The following LNX1 variants were observed in gnomAD, a reference collection of about 807,000 sequenced individuals.
LNX1 encodes ligand of numb-protein X 1, also known as E3 ubiquitin-protein ligase LNX.
A neutral mutation model predicts 68.4 loss-of-function variants in LNX1; 54 were observed. That is an observed-to-expected ratio of 0.79 (90% CI 0.63 to 0.99). The LOEUF is 0.99. LNX1 is among the 50% of genes least tolerant of loss of function. LNX1 has a pLI of 0.00. For missense variants in LNX1, 906 were observed against 926.4 expected, an observed-to-expected ratio of 0.98 and a Z score of 0.29; for synonymous variants, 336 against 350.0, an observed-to-expected ratio of 0.96 and a Z score of 0.45.
At chr4:53,622,001 G>C (rs746091749), upstream of LNX1, among the ~76,000 whole-genome samples, 2 of 152,006 alleles carry the variant, frequency 1.3e-5, no homozygotes, top group Non-Finnish European at 2.9e-5. Context: ...CATATACATT[G>C]GTGCAGAGGC....
At position 53,526,973 on chromosome 4, in the gene LNX1, C is replaced by T. The variant is rs187250222; in HGVS notation, c.381-18746G>A. 1.8e-3 allele frequency among the ~76,000 whole-genome samples: 274 copies of T among 149,350 alleles called. 1 individual carries two copies. Among genetic ancestry groups the T allele is most frequent in the African/African-American group, 6.1e-3 (247 of 40,548 alleles). ...ATGCTAAAGCAATAGAAATGAAACACCTAAATGAAGGGTGAGGAATACATA... is the reference window on the plus strand; with the variant it reads ...ATGCTAAAGCAATAGAAATGAAACATCTAAATGAAGGGTGAGGAATACATA... On this transcript the variant is annotated intron_variant, in intron 2 of 10. Transcript: ENST00000263925.
At chr4:53,560,078 G>A (rs1038748949) in intron 2 of LNX1, among the ~76,000 whole-genome samples, 9 of 152,146 alleles carry the variant, frequency 5.9e-5, no homozygotes, top group Admixed American at 2.6e-4. Flanking sequence ...TACTATTAGA[G>A]AAGTGACATG....
intron 2 of LNX1, among the ~76,000 whole-genome samples, chr4:53,509,548 C>A (rs1726173630): frequency 6.6e-6 from 1 of 152,152 alleles, no homozygotes; most frequent in African/African-American, 2.4e-5. Context: ...CCTGGCTAAA[C>A]TTCCAAATTT....
At chr4:53,512,173 T>C (rs1365622452) in intron 2 of LNX1, among the ~76,000 whole-genome samples, 3 of 152,108 alleles carry the variant, frequency 2.0e-5, no homozygotes. Flanking sequence ...AAGGACACAG[T>C]GGCTGCTCCA....
intron 10 of LNX1, 51 bp from the exon 11 acceptor site, chr4:53,461,093 A>AAGTT (rs771581987): frequency 1.1e-5 from 16 of 1,442,098 alleles, no homozygotes; most frequent in Non-Finnish European, 1.5e-5. Flanking sequence ...TTCGTTGCTG[A>AAGTT]AGTTAATGCA....
chr4:53,579,885 CTTCCCA>C (rs1731727133), intron 1 of LNX1, among the ~76,000 whole-genome samples: 2 of 152,218 alleles, frequency 1.3e-5, no homozygotes. Context: ...TTTACGTGTT[CTTCCCA>C]TTGAAAGGAC....
chr4:53,547,132 T>G (rs1729169847), intron 2 of LNX1, among the ~76,000 whole-genome samples: 1 of 152,222 alleles, frequency 6.6e-6, no homozygotes, highest in Admixed American at 6.5e-5. Flanking sequence ...ATGTCTATTG[T>G]GAGGCGCACC....
At chr4:53,474,808 C>T (rs1723458168) in intron 9 of LNX1, among the ~76,000 whole-genome samples, 1 of 152,094 alleles carries the variant, frequency 6.6e-6, no homozygotes, top group Non-Finnish European at 1.5e-5. Context: ...TCTCTGTCAC[C>T]CAGGCTGGAG....
intron 2 of LNX1, among the ~76,000 whole-genome samples, chr4:53,522,042 A>C (rs1478957256): frequency 1.3e-5 from 2 of 151,992 alleles, no homozygotes; most frequent in African/African-American, 4.8e-5. Flanking sequence ...CAATCCTTCC[A>C]TCTCGATCTC....
At chr4:53,500,863 T>C (rs1376640448) in intron 4 of LNX1, among the ~76,000 whole-genome samples, 1 of 152,222 alleles carries the variant, frequency 6.6e-6, no homozygotes, top group African/African-American at 2.4e-5. Flanking sequence ...AAAAAATTCA[T>C]TCTGAGCAAA....
In LNX1 at chr4:53,507,289, C is replaced by T. The variant is rs1725962251; in HGVS notation, c.775+28G>A. On this transcript the variant is annotated intron_variant, in intron 4 of 10. Coordinates refer to ENST00000263925, the MANE Select transcript of LNX1 (RefSeq NM_001126328.3). ...TCCCCCTGGAAGCCCAGCCCATGTC[C>T]ATCCAGCCTTATGGGGAGTTCATTT... 4 of 1,606,576 alleles carry T rather than the reference C, an allele frequency of 2.5e-6. No homozygotes were observed. In the South Asian group the frequency reaches 3.3e-5, roughly 13 times the overall value.
At chr4:53,542,634 A>C (rs182935009) in intron 2 of LNX1, among the ~76,000 whole-genome samples, 256 of 152,328 alleles carry the variant, frequency 1.7e-3, no homozygotes, top group African/African-American at 5.5e-3. Flanking sequence ...ACATGGGTAC[A>C]TCTGCAATTA....
At chr4:53,591,628 C>T (rs1236465750), upstream of LNX1, 3 of 960,448 alleles carry the variant, frequency 3.1e-6, no homozygotes, top group Non-Finnish European at 3.7e-6. Context: ...AGTCAGGAGG[C>T]CCCGCCCACC....
intron 2 of LNX1, among the ~76,000 whole-genome samples, chr4:53,565,550 A>G (rs1325727047): frequency 6.6e-6 from 1 of 151,938 alleles, no homozygotes; most frequent in Non-Finnish European, 1.5e-5. Flanking sequence ...GATGGGGAAA[A>G]AACAGAACAG....
At chr4:53,601,571 T>G (rs900424732) in intron 2 of LNX1, among the ~76,000 whole-genome samples, 1 of 152,200 alleles carries the variant, frequency 6.6e-6, no homozygotes, top group African/African-American at 2.4e-5. Context: ...GACAACTGCG[T>G]GAGCCTGGTA....
At chr4:53,620,818 G>C (rs1733843073), upstream of LNX1, among the ~76,000 whole-genome samples, 1 of 152,142 alleles carries the variant, frequency 6.6e-6, no homozygotes, top group African/African-American at 2.4e-5. Flanking sequence ...ATCAGTGTTA[G>C]CTCACAGTGC....
rs185096491 is a variant in LNX1 at position 53,511,217 on chromosome 4, C to G, written c.381-2990G>C. Among the ~76,000 whole-genome samples the G allele has an allele frequency of 1.3e-3, 201 of 152,280 alleles. 1 individual carries two copies. Among genetic ancestry groups the G allele is most frequent in the Middle Eastern group, 3.4e-3 (1 of 294 alleles). On this transcript the variant is annotated intron_variant, in intron 2 of 10. Transcript: ENST00000263925. ...AGCTTTCTCCAGTCTCTTGGCTTAG[C>G]TTGAGCCAGAGACAGAGTGATCTAT...
At chr4:53,527,395 G>A (rs1727694852) in intron 2 of LNX1, among the ~76,000 whole-genome samples, 1 of 152,084 alleles carries the variant, frequency 6.6e-6, no homozygotes, top group Non-Finnish European at 1.5e-5. Flanking sequence ...CCTATATGAT[G>A]GCTTCAAAAT....
chr4:53,462,173 C>T (rs1256981790), intron 9 of LNX1, among the ~76,000 whole-genome samples: 1 of 151,904 alleles, frequency 6.6e-6, no homozygotes, highest in Non-Finnish European at 1.5e-5. Flanking sequence ...ATTATAAGAA[C>T]AATTCAAATA....
Sources: allele counts gnomAD v4.1 joint callset (sites outside exome capture counted in the v4.1 genomes callset), GRCh38; gene constraint gnomAD v4.1.1; transcripts MANE v1.5; gene names NCBI Gene and HGNC (gene_info 2026-07-23, HGNC 2026-07-21).